CFAP92: variants seen among roughly 807,000 people sequenced by gnomAD.
The protein encoded by CFAP92 is uncharacterized protein CFAP92.
In CFAP92, 86 loss-of-function variants were observed where a neutral mutation model predicts 106.3. That is an observed-to-expected ratio of 0.81 (90% CI 0.68 to 0.97). The LOEUF is 0.97. Ranked by LOEUF, CFAP92 falls within the 50% of genes least tolerant of loss-of-function variation. The pLI is 0.00. For synonymous variants in CFAP92, 477 were observed against 506.4 expected (o/e 0.94, Z 0.78); for missense variants, 1,204 against 1,283.8 (o/e 0.94, Z 0.95).
At chr3:128,923,613 C>G (rs1937480420) in intron 12 of CFAP92, among the ~76,000 whole-genome samples, 1 of 152,208 alleles carries the variant, frequency 6.6e-6, no homozygotes, top group Non-Finnish European at 1.5e-5. Flanking sequence ...AGCATTCAAA[C>G]CAGAGCGACT....
upstream of CFAP92, chr3:129,003,357 T>G: frequency 1.1e-6 from 1 of 890,068 alleles, no homozygotes; most frequent in Non-Finnish European, 1.3e-6. Flanking sequence ...TAAAGACAGA[T>G]AGAAACCACC....
the CFAP92 span, among the ~76,000 whole-genome samples, chr3:129,010,724 T>C: frequency 6.6e-6 from 1 of 152,168 alleles, no homozygotes; most frequent in African/African-American, 2.4e-5. This position sits in a 1 kb window ranked among gnomAD's most constrained non-coding sequence, Gnocchi z 4.3. Context: ...GGGCACCATC[T>C]GGAGCTGGGA....
intron 10 of CFAP92, among the ~76,000 whole-genome samples, chr3:128,944,322 G>C (rs1939986044): frequency 6.6e-6 from 1 of 152,124 alleles, no homozygotes; most frequent in Admixed American, 6.5e-5. Context: ...CTTCTCCTGG[G>C]CTTATAATAG....
rs191563945 is a variant in CFAP92, at chr3:128,910,729, C to T, written c.3281-396G>A. ...AATTTGGGCATATCTTTTCTGTCCT[C>T]GGTTCTGGCAGGTTCTCTTGGCCAA... On this transcript the variant is annotated intron_variant, in intron 15 of 15. Coordinates refer to ENST00000645291, the MANE Select transcript of CFAP92 (RefSeq NM_001394090.1). The T allele has an allele frequency of 3.5e-5, 57 of 1,614,136 alleles. No homozygotes were observed. The highest frequency in any genetic ancestry group is 1.9e-4 in the South Asian group (17 of 91,082).
chr3:128,917,381 T>A (rs1233944428), intron 12 of CFAP92, among the ~76,000 whole-genome samples: 2 of 152,232 alleles, frequency 1.3e-5, no homozygotes, highest in African/African-American at 4.8e-5. Flanking sequence ...ATGCTACTCC[T>A]TTCTTACAAT....
At chr3:129,013,772 C>G in the CFAP92 span, among the ~76,000 whole-genome samples, 2 of 152,164 alleles carry the variant, frequency 1.3e-5, no homozygotes, top group East Asian at 3.8e-4. Context: ...TGGCCCTGCC[C>G]GACACATGGG....
At chr3:128,978,445 G>A (rs927538549) in intron 4 of CFAP92, 2 of 286,538 alleles carry the variant, frequency 7.0e-6, no homozygotes, top group Non-Finnish European at 1.3e-5. Context: ...TACCTTATTG[G>A]GGCCAGATAC....
At chr3:128,979,052 T>A (rs1366342090) in intron 4 of CFAP92, among the ~76,000 whole-genome samples, 1 of 152,160 alleles carries the variant, frequency 6.6e-6, no homozygotes, top group Non-Finnish European at 1.5e-5. Context: ...AACCTACTCA[T>A]CTGATAAAGG....
upstream of CFAP92, among the ~76,000 whole-genome samples, chr3:129,007,132 C>G (rs762363796): frequency 6.6e-6 from 1 of 152,210 alleles, no homozygotes; most frequent in Non-Finnish European, 1.5e-5. Flanking sequence ...ACCACAAGCT[C>G]AAGTTGGGTT....
chr3:128,943,744 C>T (rs1192839311), intron 10 of CFAP92, among the ~76,000 whole-genome samples: 2 of 151,622 alleles, frequency 1.3e-5, no homozygotes, highest in African/African-American at 2.4e-5. Context: ...ACCATGTTGG[C>T]CAGACTGGTC....
intron 10 of CFAP92, among the ~76,000 whole-genome samples, chr3:128,936,001 G>C (rs1168673957): frequency 6.6e-6 from 1 of 152,268 alleles, no homozygotes; most frequent in African/African-American, 2.4e-5. Context: ...AGCTGGCAGT[G>C]AAAGGCTGAA....
chr3:128,988,678 C>A (rs779112870), intron 3 of CFAP92, 50 bp downstream of exon 3: 2 of 1,569,292 alleles, frequency 1.3e-6, no homozygotes, highest in Non-Finnish European at 1.7e-6. Flanking sequence ...GCACACTTTT[C>A]GTGATGAGCA....
chr3:128,912,647 C>T, intron 15 of CFAP92: 1 of 1,518,522 alleles, frequency 6.6e-7, no homozygotes, highest in East Asian at 2.3e-5. Flanking sequence ...CGCCCCTACC[C>T]ATGGCCCGTT....
At chr3:128,984,886 C>T (rs1322019042) in intron 4 of CFAP92, among the ~76,000 whole-genome samples, 1 of 152,112 alleles carries the variant, frequency 6.6e-6, no homozygotes, top group Non-Finnish European at 1.5e-5. Flanking sequence ...TTTCTGCACT[C>T]CCAAGAAATA....
At position 128,943,914 on chromosome 3, in the gene CFAP92, T is replaced by TCCCCC. The variant is rs56857847; in HGVS notation, c.2258+1152_2258+1156dup. On this transcript the variant is annotated intron_variant, in intron 10 of 15. Coordinates refer to ENST00000645291, the MANE Select transcript of CFAP92 (RefSeq NM_001394090.1). ...TCAGTTGATAAACATTTGGGTTATT[T>TCCCCC]CCCCCGTTTTTTTTTTTTTTTTTTT... 4.5e-3 allele frequency among the ~76,000 whole-genome samples: 615 copies of TCCCCC among 137,218 alleles called. 12 individuals carry two copies. The highest frequency in any genetic ancestry group is 0.017 in the African/African-American group (589 of 34,536). 90.0% of individuals were successfully genotyped at this position (137,218 alleles called of 152,430 possible).
intron 11 of CFAP92, among the ~76,000 whole-genome samples, chr3:128,934,779 C>T (rs1253402618): frequency 6.6e-6 from 1 of 152,196 alleles, no homozygotes; most frequent in Non-Finnish European, 1.5e-5. Context: ...CATCCTCCCA[C>T]CTCAGCCTCC....
intron 1 of CFAP92, chr3:129,001,974 G>C (rs1371106427): frequency 1.3e-6 from 2 of 1,545,200 alleles, no homozygotes; most frequent in East Asian, 4.9e-5. Context: ...TGCGGCCGCT[G>C]AGTTGGCCAC....
intron 9 of CFAP92, among the ~76,000 whole-genome samples, chr3:128,959,790 T>C (rs1399740801): frequency 6.6e-6 from 1 of 152,154 alleles, no homozygotes; most frequent in Non-Finnish European, 1.5e-5. Context: ...CACTGTGGGA[T>C]CCTAAATGGT....
chr3:128,979,465 T>C (rs936498728), intron 4 of CFAP92, among the ~76,000 whole-genome samples: 1 of 152,242 alleles, frequency 6.6e-6, no homozygotes, highest in African/African-American at 2.4e-5. Context: ...CAAAGGATTA[T>C]AAATCATGCT....
Sources: allele counts gnomAD v4.1 joint callset (sites outside exome capture counted in the v4.1 genomes callset), GRCh38; gene constraint gnomAD v4.1.1; non-coding constraint Gnocchi (gnomAD v3.1); transcripts MANE v1.5; gene names NCBI Gene and HGNC (gene_info 2026-07-23, HGNC 2026-07-21).